MOSPD1: variants seen among roughly 807,000 people sequenced by gnomAD.
MOSPD1 encodes motile sperm domain containing 1, also known as motile sperm domain-containing protein 1.
A neutral mutation model predicts 16.7 loss-of-function variants in MOSPD1; 5 were observed. The observed-to-expected ratio is 0.30, with a 90% CI of 0.16 to 0.63. The LOEUF is 0.63. MOSPD1 is among the 30% of genes least tolerant of loss of function. The pLI, the probability that MOSPD1 is intolerant of heterozygous loss-of-function variation, is 0.82. For missense variants in MOSPD1, 104 were observed against 153.6 expected, an observed-to-expected ratio of 0.68 and a Z score of 1.71; for synonymous variants, 67 against 59.2, an observed-to-expected ratio of 1.13 and a Z score of -0.61.
chrX:134,898,505 A>G (rs2082896903), intron 3 of MOSPD1, among the ~76,000 whole-genome samples: 1 of 111,967 alleles, frequency 8.9e-6, no homozygotes, highest in Admixed American at 9.5e-5. Context: ...CCATCTGGTC[A>G]CCACTAGTTC....
At chrX:134,900,736 CTTTT>C (rs764421916) in intron 1 of MOSPD1, among the ~76,000 whole-genome samples, 1 of 102,454 alleles carries the variant, frequency 9.8e-6, no homozygotes, top group Non-Finnish European at 2.0e-5. Context: ...CCAAGTGTGC[CTTTT>C]TTTTTTTTTA....
chrX:134,898,128 C>T (rs1408367673), intron 3 of MOSPD1, among the ~76,000 whole-genome samples: 1 of 111,370 alleles, frequency 9.0e-6, no homozygotes, highest in Admixed American at 9.6e-5. Context: ...ATCCTCCCAC[C>T]TCAGCCTCCC....
At chrX:134,909,714 T>C (rs2082961129) in intron 1 of MOSPD1, among the ~76,000 whole-genome samples, 1 of 112,183 alleles carries the variant, frequency 8.9e-6, no homozygotes, top group African/African-American at 3.2e-5. Context: ...TAACAAGTGA[T>C]GTTCTAATGT....
At chrX:134,913,851 C>A (rs1357170090) in intron 1 of MOSPD1, among the ~76,000 whole-genome samples, 1 of 111,942 alleles carries the variant, frequency 8.9e-6, no homozygotes, top group East Asian at 2.8e-4. Context: ...TTTAATCTCG[C>A]ATCCTGATTG....
intron 1 of MOSPD1, among the ~76,000 whole-genome samples, chrX:134,905,091 GGCTCACGCCTGT>G (rs2082934564): frequency 3.3e-5 from 3 of 90,312 alleles, no homozygotes; most frequent in Non-Finnish European, 7.4e-5. Context: ...CGGGCGCGGT[GGCTCACGCCTGT>G]AATCCCAGCA....
rs2082843406 is a variant in MOSPD1 at position 134,888,179 on chromosome X, C to CT, written c.*981dup. On this transcript the variant is annotated 3_prime_UTR_variant, in exon 6 of 6. Transcript: ENST00000370783. ...AATGTAAATAGTTGTGCTTAGGGGA[C>CT]TTTTTTGGCAAAGTTGTCTTAATAA... 3 of 111,746 alleles carry CT rather than the reference C, an allele frequency of 2.7e-5. No individual in the cohort carries two copies. Among genetic ancestry groups the CT allele is most frequent in the African/African-American group, 9.7e-5 (3 of 30,775 alleles). The allele number at this position is 111,746 out of a possible 1,213,427, so 9.2% of individuals were successfully genotyped here. A position where few individuals can be genotyped will look rare whatever the true frequency, so the allele number is the denominator to read the frequency against.
Position 134,906,174 on chromosome X carries a change from C to CTTTTTTTT in MOSPD1, c.-101-6648_-101-6641dup, listed in dbSNP as rs765109385. 7.8e-4 allele frequency among the ~76,000 whole-genome samples: 44 copies of CTTTTTTTT among 56,648 alleles called. 1 individual carries two copies. Among genetic ancestry groups the CTTTTTTTT allele is most frequent in the Non-Finnish European group, 9.0e-4 (30 of 33,459 alleles). 49.2% of individuals were successfully genotyped at this position (56,648 alleles called of 115,157 possible). ...TTCCTATCTCTGTTCCCATTTATCACTTTTTTTTTTTTTTTTTTTTTTTGA... is the reference window on the plus strand; with the variant it reads ...TTCCTATCTCTGTTCCCATTTATCACTTTTTTTTTTTTTTTTTTTTTTTTTTTTTTTGA... On this transcript the variant is annotated intron_variant, in intron 1 of 5. Transcript: ENST00000370783.
At chrX:134,896,214 T>G (rs1438214754) in intron 4 of MOSPD1, among the ~76,000 whole-genome samples, 1 of 111,392 alleles carries the variant, frequency 9.0e-6, no homozygotes, top group Non-Finnish European at 1.9e-5. Context: ...ATGAGGGTAG[T>G]GTCAATGTTG....
intron 1 of MOSPD1, among the ~76,000 whole-genome samples, chrX:134,903,638 G>A (rs2148397205): frequency 9.8e-6 from 1 of 102,426 alleles, no homozygotes; most frequent in South Asian, 4.5e-4. Flanking sequence ...CTGGAACCCG[G>A]CAGGTGGAGC....
intron 1 of MOSPD1, among the ~76,000 whole-genome samples, chrX:134,902,719 G>A (rs984971166): frequency 9.1e-6 from 1 of 109,345 alleles, no homozygotes; most frequent in Non-Finnish European, 1.9e-5. Flanking sequence ...TCTGAGTCCA[G>A]GGACATTGAG....
Position 134,897,008 on chromosome X carries a change from G to C in MOSPD1, c.257C>G (p.Ser86Cys). ...TTTGTCTATTACACCATAGTGACAG[G>C]ATCGAACATCTCGATGACGAATCAC... ...DIVIRHRDVR[S>C]CHYGVIDKFR... The change falls in exon 4 of 6, where the codon TCC becomes TGC. Residue 86 changes from serine to cysteine, a missense_variant. Ser to Cys is a moderately radical substitution (Grantham distance 112). Coordinates refer to ENST00000370783, the MANE Select transcript of MOSPD1 (RefSeq NM_019556.3). 8.3e-7 allele frequency: 1 copy of C among 1,203,142 alleles called. No homozygotes were observed.
At chrX:134,903,711 CAA>C (rs772831491) in intron 1 of MOSPD1, among the ~76,000 whole-genome samples, 3 of 54,959 alleles carry the variant, frequency 5.5e-5, no homozygotes, top group Admixed American at 2.6e-4. Flanking sequence ...GACTCCATCT[CAA>C]AAAAAAAAAA....
intron 1 of MOSPD1, chrX:134,899,856 C>A (rs752252929): frequency 4.6e-4 from 52 of 112,296 alleles, no homozygotes; most frequent in Non-Finnish European, 8.9e-4. Context: ...CTCAGGAGGC[C>A]GAGGCAGGAT....
rs1254107927 is a variant in MOSPD1, at chrX:134,889,088, AAT to A, written c.*71_*72del. The stretch of plus-strand genomic sequence containing the variant: ...AGTTTGTTGCATGTTAATGGAGTGA[AAT>A]AGAGATAAAAGGCAGTCCACATTCA... On this transcript the variant is annotated 3_prime_UTR_variant, in exon 6 of 6. Transcript: ENST00000370783. The A allele has an allele frequency of 7.6e-6, 6 of 791,847 alleles. No individual in the cohort carries two copies. Among genetic ancestry groups the A allele is most frequent in the Non-Finnish European group, 1.1e-5 (6 of 534,732 alleles). The allele number at this position is 791,847 out of a possible 1,213,427, so 65.3% of individuals were successfully genotyped here.
At chrX:134,901,526 T>C (rs746432862) in intron 1 of MOSPD1, among the ~76,000 whole-genome samples, 133 of 109,284 alleles carry the variant, frequency 1.2e-3, no homozygotes, top group African/African-American at 4.1e-3. Context: ...GGCGGGTGCC[T>C]GTAATCCCAG....
At chrX:134,903,481 G>C (rs953816624) in intron 1 of MOSPD1, among the ~76,000 whole-genome samples, 1 of 109,481 alleles carries the variant, frequency 9.1e-6, no homozygotes, top group Non-Finnish European at 1.9e-5. Context: ...GGAGGCCGAG[G>C]TGGGCGGATC....
chrX:134,888,167 G>A lies in MOSPD1; in HGVS notation c.*994C>T, dbSNP rs1320857925. 8.9e-6 allele frequency: 1 copy of A among 112,000 alleles called. No individual in the cohort carries two copies. The highest frequency in any genetic ancestry group is 3.2e-5 in the African/African-American group (1 of 30,828). 9.2% of individuals were successfully genotyped at this position (112,000 alleles called of 1,213,427 possible). A position where few individuals can be genotyped will look rare whatever the true frequency, so the allele number is the denominator to read the frequency against. ...AGGCTATAAAGAAATGTAAATAGTTGTGCTTAGGGGACTTTTTTGGCAAAG... is the reference window on the plus strand; with the variant it reads ...AGGCTATAAAGAAATGTAAATAGTTATGCTTAGGGGACTTTTTTGGCAAAG... On this transcript the variant is annotated 3_prime_UTR_variant, in exon 6 of 6. Coordinates refer to ENST00000370783, the MANE Select transcript of MOSPD1 (RefSeq NM_019556.3).
chrX:134,902,862 A>C (rs1341793199), intron 1 of MOSPD1, among the ~76,000 whole-genome samples: 4 of 109,622 alleles, frequency 3.6e-5, no homozygotes, highest in Non-Finnish European at 7.6e-5. Flanking sequence ...AAAAAAAAAA[A>C]ACCAAAAAAA....
intron 1 of MOSPD1, among the ~76,000 whole-genome samples, chrX:134,910,515 T>C (rs1165806900): frequency 1.8e-5 from 2 of 111,874 alleles, no homozygotes; most frequent in Non-Finnish European, 3.8e-5. Context: ...TTGTCAGCCT[T>C]CCAAAAACTC....
Sources: gnomAD v4.1 joint callset for allele counts (sites outside exome capture counted in the v4.1 genomes callset) on GRCh38, gnomAD v4.1.1 for gene constraint, MANE v1.5 for transcripts, NCBI Gene and HGNC (gene_info 2026-07-23, HGNC 2026-07-21) for gene names.